Variants in NEMF observed in about 807,000 individuals in gnomAD.
NEMF encodes the protein ribosome quality control complex subunit NEMF.
In NEMF, 89 loss-of-function variants were observed where a neutral mutation model predicts 162.2. The ratio of observed to expected loss-of-function variants is 0.55; its 90% CI spans 0.46 to 0.65. NEMF has a LOEUF of 0.65. Ranked by LOEUF, NEMF falls within the 30% of genes least tolerant of loss-of-function variation. The probability of loss-of-function intolerance (pLI) is 0.00; values close to 1 mark genes in which losing one functional copy is unlikely to be tolerated. For missense variants in NEMF, 1,133 were observed against 1,261.9 expected, an observed-to-expected ratio of 0.90 and a Z score of 1.55; for synonymous variants, 421 against 404.5, an observed-to-expected ratio of 1.04 and a Z score of -0.49.
intron 1 of NEMF, among the ~76,000 whole-genome samples, chr14:49,852,410 G>A (rs1314743948): frequency 1.3e-5 from 2 of 152,188 alleles, no homozygotes; most frequent in Non-Finnish European, 2.9e-5. Flanking sequence ...AACGTTTCCT[G>A]CCCAACCCGG....
intron 6 of NEMF, among the ~76,000 whole-genome samples, chr14:49,835,824 A>G (rs1892871064): frequency 6.6e-6 from 1 of 152,258 alleles, no homozygotes; most frequent in Admixed American, 6.5e-5. Flanking sequence ...TGCAGGATAC[A>G]AAAACCAATA....
Position 49,802,709 on chromosome 14 carries a change from GGAA to G in NEMF, c.1931_1933del (p.Leu644del). 3 of 1,610,662 alleles carry G rather than the reference GGAA, an allele frequency of 1.9e-6. No individual in the cohort carries two copies. The highest frequency in any genetic ancestry group is 2.5e-6 in the Non-Finnish European group (3 of 1,178,000). On this transcript the variant is annotated inframe_deletion, in exon 21 of 33. Transcript: ENST00000298310. ...AAACCCCATCATTAGATATGAGGGA[GGAA>G]GAAAATTCTTTTTTCCTACAAAAGA...
chr14:49,810,719 A>C (rs752240256), intron 18 of NEMF, among the ~76,000 whole-genome samples: 3 of 152,114 alleles, frequency 2.0e-5, no homozygotes, highest in Non-Finnish European at 4.4e-5. Context: ...GGCCAGGGGC[A>C]GTGGCTCATG....
intron 7 of NEMF, 67 bp downstream of exon 7, chr14:49,834,296 T>C (rs1349112663): frequency 8.1e-6 from 9 of 1,115,608 alleles, no homozygotes; most frequent in South Asian, 2.6e-5. Context: ...CCTTATTACT[T>C]TCCCAGAAAA....
intron 19 of NEMF, 108 bp downstream of exon 19, chr14:49,805,913 A>G (rs967332342): frequency 7.3e-5 from 41 of 561,638 alleles, no homozygotes; most frequent in Non-Finnish European, 1.1e-4. Flanking sequence ...TCTACCAAAA[A>G]GAGTTAGCTC....
chr14:49,813,667 GT>G (rs1891585878), intron 18 of NEMF, among the ~76,000 whole-genome samples: 1 of 1,168 alleles, frequency 8.6e-4, no homozygotes, highest in African/African-American at 1.7e-3. Flanking sequence ...TATTAGGTGT[GT>G]GTGTGTGTGT....
intron 26 of NEMF, among the ~76,000 whole-genome samples, chr14:49,792,104 C>T (rs1368753120): frequency 1.3e-5 from 2 of 151,684 alleles, no homozygotes; most frequent in South Asian, 2.1e-4. Context: ...GATTGCAACA[C>T]TACATCCCAG....
intron 20 of NEMF, 60 bp from the exon 21 acceptor site, chr14:49,802,787 AAAAC>A: frequency 7.7e-7 from 1 of 1,297,962 alleles, no homozygotes; most frequent in Non-Finnish European, 1.1e-6. Context: ...TTTTGCTTGT[AAAAC>A]AAAAAAAAAT....
At chr14:49,844,050 G>A (rs1375354510) in intron 4 of NEMF, among the ~76,000 whole-genome samples, 1 of 150,518 alleles carries the variant, frequency 6.6e-6, no homozygotes, top group Non-Finnish European at 1.5e-5. Context: ...AGTGAGCTGA[G>A]ATCACACCCT....
chr14:49,832,332 T>A, intron 8 of NEMF, 55 bp from the exon 9 acceptor site: 1 of 1,141,896 alleles, frequency 8.8e-7, no homozygotes, highest in Non-Finnish European at 1.2e-6. Flanking sequence ...AAGATTTACT[T>A]CTTTTTTTTT....
chr14:49,791,179 A>G (rs1238903749), intron 26 of NEMF, among the ~76,000 whole-genome samples: 1 of 151,250 alleles, frequency 6.6e-6, no homozygotes, highest in Non-Finnish European at 1.5e-5. Flanking sequence ...TACTAAAAAT[A>G]CAAAAATTAG....
intron 18 of NEMF, 77 bp downstream of exon 18, chr14:49,813,911 A>T: frequency 1.2e-6 from 1 of 862,010 alleles, no homozygotes; most frequent in Non-Finnish European, 2.0e-6. Flanking sequence ...GCCCTCTATT[A>T]AATTTTTGTC....
At position 49,832,752 on chromosome 14, in the gene NEMF, T is replaced by A. The variant is rs372121275; in HGVS notation, c.736-475A>T. On this transcript the variant is annotated intron_variant, in intron 8 of 32. Transcript: ENST00000298310. ...TTTGAAAAGGGAAGAAAAACACTCA[T>A]AAGCTACTAGGTAATTCAAAAAATA... Among the ~76,000 whole-genome samples, 13 of 152,316 alleles carry A rather than the reference T, an allele frequency of 8.5e-5. 1 individual carries two copies. In the East Asian group the frequency reaches 9.6e-4, roughly 11 times the overall value.
At chr14:49,835,090 C>T (rs1271425990) in intron 6 of NEMF, among the ~76,000 whole-genome samples, 2 of 152,096 alleles carry the variant, frequency 1.3e-5, no homozygotes, top group African/African-American at 4.8e-5. Context: ...ATCCCAGCTA[C>T]TCAGGAGGCT....
At chr14:49,828,024 G>T (rs1037585830) in intron 15 of NEMF, among the ~76,000 whole-genome samples, 1 of 152,144 alleles carries the variant, frequency 6.6e-6, no homozygotes, top group Admixed American at 6.6e-5. Context: ...TGGATTGCAT[G>T]ATTTATGGGA....
At chr14:49,843,415 GC>G (rs976024405) in intron 4 of NEMF, among the ~76,000 whole-genome samples, 2 of 152,098 alleles carry the variant, frequency 1.3e-5, no homozygotes, top group Non-Finnish European at 2.9e-5. Context: ...GGTCACTTGA[GC>G]CCAGGAGGCC....
At chr14:49,799,389 C>T in intron 25 of NEMF, 86 bp downstream of exon 25, 1 of 1,123,482 alleles carries the variant, frequency 8.9e-7, no homozygotes, top group Non-Finnish European at 1.3e-6. Flanking sequence ...AGTCTTTAAA[C>T]AGCTAAGTAA....
At chr14:49,802,244 G>A (rs941296524) in intron 22 of NEMF, among the ~76,000 whole-genome samples, 10 of 151,352 alleles carry the variant, frequency 6.6e-5, no homozygotes, top group African/African-American at 2.2e-4. Context: ...CACAATGCCC[G>A]GACTGATAAA....
chr14:49,838,785 C>A (rs1171107573), intron 5 of NEMF, among the ~76,000 whole-genome samples: 1 of 151,966 alleles, frequency 6.6e-6, no homozygotes, highest in Non-Finnish European at 1.5e-5. Context: ...GGGGTTTCAC[C>A]GTGTTAGCCA....
Sources: gnomAD v4.1 joint callset for allele counts (sites outside exome capture counted in the v4.1 genomes callset) on GRCh38, gnomAD v4.1.1 for gene constraint, MANE v1.5 for transcripts, NCBI Gene and HGNC (gene_info 2026-07-23, HGNC 2026-07-21) for gene names.